The following XYLT1 variants were observed in gnomAD, a reference collection of about 807,000 sequenced individuals.
The protein encoded by XYLT1 is xylosyltransferase 1.
A neutral mutation model predicts 91.3 loss-of-function variants in XYLT1; 36 were observed. That is an observed-to-expected ratio of 0.39 (90% CI 0.30 to 0.52). XYLT1 has a LOEUF of 0.52. XYLT1 is among the 20% of genes least tolerant of loss of function. The pLI, the probability that XYLT1 is intolerant of heterozygous loss-of-function variation, is 0.68. For synonymous variants in XYLT1, 588 were observed against 532.0 expected, an observed-to-expected ratio of 1.11 and a Z score of -1.45; for missense variants, 1,242 against 1,284.5, an observed-to-expected ratio of 0.97 and a Z score of 0.51.
intron 1 of XYLT1, among the ~76,000 whole-genome samples, chr16:17,378,235 GGTGT>G (rs1252639319): frequency 3.3e-5 from 5 of 151,976 alleles, no homozygotes; most frequent in Non-Finnish European, 2.9e-5. Context: ...AATATGCATG[GGTGT>G]GTGTGAGAAA....
intron 1 of XYLT1, among the ~76,000 whole-genome samples, chr16:17,427,042 A>C (rs2036327314): frequency 6.6e-6 from 1 of 152,212 alleles, no homozygotes; most frequent in Non-Finnish European, 1.5e-5. Flanking sequence ...ATACAAAATC[A>C]GGCATCATGG....
At chr16:17,274,586 G>C (rs2033943799) in intron 2 of XYLT1, among the ~76,000 whole-genome samples, 1 of 152,038 alleles carries the variant, frequency 6.6e-6, no homozygotes, top group Non-Finnish European at 1.5e-5. Flanking sequence ...GGGAGTGTAG[G>C]GATGGGTGTG....
chr16:17,446,485 AG>A (rs1220279464), intron 1 of XYLT1: 3 of 152,150 alleles, frequency 2.0e-5, no homozygotes, highest in Non-Finnish European at 4.4e-5. Context: ...GAGTGAATCC[AG>A]GATTCAAACC....
intron 11 of XYLT1, among the ~76,000 whole-genome samples, chr16:17,116,687 GGT>G (rs1966852956): frequency 6.6e-6 from 1 of 152,138 alleles, no homozygotes; most frequent in Non-Finnish European, 1.5e-5. Flanking sequence ...TCTGTGGTAG[GGT>G]GTGTGTATGT....
At chr16:17,351,138 C>T (rs921392618) in intron 2 of XYLT1, among the ~76,000 whole-genome samples, 4 of 152,150 alleles carry the variant, frequency 2.6e-5, no homozygotes, top group East Asian at 1.9e-4. Flanking sequence ...AGTTTTTAAA[C>T]ACATGATGTA....
Position 17,127,830 on chromosome 16 carries a change from G to A in XYLT1, c.2059C>T (p.His687Tyr). Residue 687 changes from histidine (H) to tyrosine (Y), a missense_variant, in exon 10 of 12, where the codon CAC becomes TAC. By Grantham distance (83) the His-to-Tyr change is moderately conservative. Around this residue, in one of 3 missense-constraint regions of XYLT1, gnomAD observed 511 missense variants for 497.0 expected, o/e 1.03. Coordinates refer to ENST00000261381, the MANE Select transcript of XYLT1 (RefSeq NM_022166.4). ...YYPMGHPASVHLYFLADRFQG... is the reference protein window; with the variant it reads ...YYPMGHPASVYLYFLADRFQG... ...AAGCGGTCAGCAAGGAAGTAGAGGT[G>A]CACAGATGCTGGGTGGCCCATTGGG... 1 of 1,614,040 alleles carries A rather than the reference G, an allele frequency of 6.2e-7. No individual in the cohort carries two copies. The highest frequency in any genetic ancestry group is 8.5e-7 in the Non-Finnish European group (1 of 1,179,992).
intron 3 of XYLT1, among the ~76,000 whole-genome samples, chr16:17,245,304 G>A (rs181450132): frequency 7.9e-5 from 12 of 152,184 alleles, no homozygotes; most frequent in African/African-American, 4.8e-5. Flanking sequence ...CACTTTGGTC[G>A]CTGCAAATAT....
At chr16:17,146,727 G>T (rs113487643) in intron 6 of XYLT1, among the ~76,000 whole-genome samples, 3 of 152,120 alleles carry the variant, frequency 2.0e-5, no homozygotes, top group Non-Finnish European at 4.4e-5. Flanking sequence ...CTCCAGCTTT[G>T]ACATTCTATA....
At chr16:17,384,025 G>A (rs770356708) in intron 1 of XYLT1, among the ~76,000 whole-genome samples, 142 of 152,018 alleles carry the variant, frequency 9.3e-4, no homozygotes, top group Non-Finnish European at 1.5e-3. Flanking sequence ...TGGGATTATA[G>A]GCATGAGCCA....
chr16:17,336,255 T>C (rs974440906), intron 2 of XYLT1, among the ~76,000 whole-genome samples: 4 of 152,246 alleles, frequency 2.6e-5, no homozygotes, highest in South Asian at 2.1e-4. Context: ...TCTGCAACAA[T>C]AGTGTTTTTG....
At chr16:17,412,296 G>A (rs1567194031) in intron 1 of XYLT1, among the ~76,000 whole-genome samples, 1 of 151,966 alleles carries the variant, frequency 6.6e-6, no homozygotes, top group African/African-American at 2.4e-5. Flanking sequence ...GCACTCCTGG[G>A]GGTGCAGAGG....
chr16:17,271,487 G>C lies in XYLT1; in HGVS notation c.403-11989C>G, dbSNP rs182270008. On this transcript the variant is annotated intron_variant, in intron 2 of 11. Coordinates refer to ENST00000261381, the MANE Select transcript of XYLT1 (RefSeq NM_022166.4). ...GGAGACACACACACAGATAGGCACA[G>C]AGAGAATGTGAACAACCCAGTCTTG... Among the ~76,000 whole-genome samples, 8 of 152,290 alleles carry C rather than the reference G, an allele frequency of 5.3e-5. No individual in the cohort carries two copies. The East Asian group carries it at 5.8e-4, about 11-fold the overall frequency.
chr16:17,191,381 T>C (rs1328057938), intron 5 of XYLT1, among the ~76,000 whole-genome samples: 3 of 152,230 alleles, frequency 2.0e-5, no homozygotes, highest in Non-Finnish European at 2.9e-5. Flanking sequence ...TGGACTTCCA[T>C]ACTGCTCATC....
In XYLT1 at chr16:17,280,938, G is replaced by A. The variant is rs1042296057; in HGVS notation, c.403-21440C>T. Among the ~76,000 whole-genome samples the A allele has an allele frequency of 2.0e-5, 3 of 152,238 alleles. No homozygotes were observed. The East Asian group carries it at 5.8e-4, about 29-fold the overall frequency. ...CAATTCTCAGCCTTGCCTTCCCATT[G>A]GACTAATCTGGGAGCCTTCACAAAA... On this transcript the variant is annotated intron_variant, in intron 2 of 11. Transcript: ENST00000261381.
Position 17,402,094 on chromosome 16 carries a change from T to C in XYLT1, c.364-44044A>G, listed in dbSNP as rs146790755. ...CAGGTGAATAGCTTGAGCCCAGGAG[T>C]TGGAGACCAGCCTGGACAACATAGC... On this transcript the variant is annotated intron_variant, in intron 1 of 11. Transcript: ENST00000261381. 7.5e-3 allele frequency among the ~76,000 whole-genome samples: 1,130 copies of C among 150,012 alleles called. 25 individuals carry two copies. The highest frequency in any genetic ancestry group is 0.027 in the African/African-American group (1,088 of 40,872).
chr16:17,115,416 C>T (rs1303645977), intron 11 of XYLT1, among the ~76,000 whole-genome samples: 6 of 149,958 alleles, frequency 4.0e-5, no homozygotes, highest in African/African-American at 9.8e-5. Flanking sequence ...CCCAGGAGCT[C>T]GAGGCTGCAG....
At chr16:17,132,088 C>CATT (rs2030504011) in intron 9 of XYLT1, among the ~76,000 whole-genome samples, 1 of 152,134 alleles carries the variant, frequency 6.6e-6, no homozygotes, top group African/African-American at 2.4e-5. Context: ...CCTGTAAGAT[C>CATT]ATTTACCTTA....
chr16:17,357,153 G>A (rs990981839), intron 2 of XYLT1, among the ~76,000 whole-genome samples: 7 of 124,144 alleles, frequency 5.6e-5, no homozygotes, highest in East Asian at 2.2e-4. Flanking sequence ...CTCCAGCCTG[G>A]GCAACAGAGA....
Position 17,470,641 on chromosome 16 carries a change from G to C in XYLT1, c.156C>G (p.Gly52=). 1 of 1,109,026 alleles carries C rather than the reference G, an allele frequency of 9.0e-7. No individual in the cohort carries two copies. Among genetic ancestry groups the C allele is most frequent in the Non-Finnish European group, 1.1e-6 (1 of 902,446 alleles). 68.7% of individuals were successfully genotyped at this position (1,109,026 alleles called of 1,614,324 possible). ...GGGCCGGGGGCGGCTGCTCCCCGCC[G>C]CCGACCGCTGCGCCCCCGCGGCGCT... is the stretch of plus-strand genomic sequence containing the variant. ...AGERRGGAAV[G]GGEQPPPAPA... Residue 52 remains glycine (G), a synonymous_variant, in exon 1 of 12, where the codon GGC becomes GGG. Coordinates refer to ENST00000261381, the MANE Select transcript of XYLT1 (RefSeq NM_022166.4).
Sources: allele counts gnomAD v4.1 joint callset (sites outside exome capture counted in the v4.1 genomes callset), GRCh38; gene constraint gnomAD v4.1.1; regional missense constraint gnomAD v4.1.1; transcripts MANE v1.5; gene names NCBI Gene and HGNC (gene_info 2026-07-23, HGNC 2026-07-21).